Variants in ANKRD6 observed in about 807,000 individuals in gnomAD.
ANKRD6 encodes the protein ankyrin repeat domain 6, also known as ankyrin repeat domain-containing protein 6.
Under a neutral mutation model 82.3 loss-of-function variants are expected in ANKRD6, and 56 were observed. The ratio of observed to expected loss-of-function variants is 0.68; its 90% CI spans 0.55 to 0.85. The LOEUF is 0.85. ANKRD6 is among the 40% of genes least tolerant of loss of function. The pLI is 0.00. For missense variants in ANKRD6, 852 were observed against 907.6 expected (o/e 0.94, Z 0.79); for synonymous variants, 347 against 352.1 (o/e 0.99, Z 0.16).
chr6:89,623,556 C>G lies in ANKRD6; in HGVS notation c.1032+12C>G. 1 of 1,574,596 alleles carries G rather than the reference C, an allele frequency of 6.4e-7. No individual in the cohort carries two copies. The highest frequency in any genetic ancestry group is 8.6e-7 in the Non-Finnish European group (1 of 1,160,064). On this transcript the variant is annotated intron_variant, in intron 11 of 15. Coordinates refer to ENST00000339746, the MANE Select transcript of ANKRD6 (RefSeq NM_001242809.2). ...AGTCAAGGCCCAAGGTCAGGAGACA[C>G]AGAAAGCAGCCCAGAGGGGTGGCTG...
chr6:89,555,804 G>A lies in ANKRD6; in HGVS notation c.-143-11030G>A, dbSNP rs189797796. Among the ~76,000 whole-genome samples, 308 of 152,146 alleles carry A rather than the reference G, an allele frequency of 2.0e-3. 4 individuals carry two copies. The highest frequency in any genetic ancestry group is 6.8e-3 in the African/African-American group (283 of 41,500). The stretch of plus-strand genomic sequence containing the variant: ...TTTGTATATCTCTGGACTTTGTTCT[G>A]GGGGAAATATGTGTCACTGAGGTTC... On this transcript the variant is annotated intron_variant, in intron 1 of 15. Transcript: ENST00000339746.
intron 1 of ANKRD6, among the ~76,000 whole-genome samples, chr6:89,502,388 G>A (rs1362191335): frequency 6.6e-6 from 1 of 152,174 alleles, no homozygotes; most frequent in Non-Finnish European, 1.5e-5. Context: ...TCTCATGCTT[G>A]TAATCCTAGC....
At chr6:89,618,097 T>C in intron 9 of ANKRD6, 66 bp downstream of exon 9, 1 of 1,549,708 alleles carries the variant, frequency 6.5e-7, no homozygotes, top group Non-Finnish European at 8.9e-7. Context: ...GGACTCCTGG[T>C]TGCAATCTAC....
chr6:89,446,525 C>G (rs759818616), intron 1 of ANKRD6, among the ~76,000 whole-genome samples: 43 of 152,250 alleles, frequency 2.8e-4, no homozygotes, highest in Non-Finnish European at 4.9e-4. Context: ...AAAGCTAGGA[C>G]TCTTGTGCCA....
intron 1 of ANKRD6, among the ~76,000 whole-genome samples, chr6:89,480,182 C>A (rs1334971327): frequency 6.6e-6 from 1 of 152,216 alleles, no homozygotes; most frequent in Non-Finnish European, 1.5e-5. Flanking sequence ...TGTTGTCTGT[C>A]TGAAAGGTAA....
chr6:89,616,947 G>A (rs1299110233), intron 8 of ANKRD6: 1 of 559,776 alleles, frequency 1.8e-6, no homozygotes, highest in East Asian at 4.3e-5. Context: ...ACGAGTGGAT[G>A]TTACCCAAAG....
At chr6:89,569,036 C>A (rs1189885242) in intron 2 of ANKRD6, among the ~76,000 whole-genome samples, 1 of 151,852 alleles carries the variant, frequency 6.6e-6, no homozygotes, top group Non-Finnish European at 1.5e-5. Context: ...GCCTCAGCCT[C>A]CCATGTAGCT....
At chr6:89,523,508 CT>C (rs1241801409) in intron 1 of ANKRD6, among the ~76,000 whole-genome samples, 2 of 152,150 alleles carry the variant, frequency 1.3e-5, no homozygotes, top group Non-Finnish European at 2.9e-5. Flanking sequence ...GAGGGCAGTT[CT>C]TTATGTGTTT....
intron 1 of ANKRD6, among the ~76,000 whole-genome samples, chr6:89,440,993 T>C (rs1771304017): frequency 6.6e-6 from 1 of 152,138 alleles, no homozygotes; most frequent in Non-Finnish European, 1.5e-5. Context: ...CTATCTGTTT[T>C]TTTACAGAAA....
At chr6:89,436,890 T>C (rs1770701612) in intron 1 of ANKRD6, among the ~76,000 whole-genome samples, 1 of 152,184 alleles carries the variant, frequency 6.6e-6, no homozygotes, top group Non-Finnish European at 1.5e-5. Context: ...GGGGAAGAGA[T>C]GGAAGAAATA....
At chr6:89,617,813 A>G (rs1413423400) in intron 8 of ANKRD6, 141 bp from the exon 9 acceptor site, 2 of 727,770 alleles carry the variant, frequency 2.7e-6, no homozygotes, top group East Asian at 5.1e-5. Context: ...CATATCACAT[A>G]GGTGGCCATG....
intron 5 of ANKRD6, among the ~76,000 whole-genome samples, chr6:89,607,595 G>T (rs1158867727): frequency 1.3e-5 from 2 of 149,658 alleles, no homozygotes; most frequent in African/African-American, 4.9e-5. Context: ...TTTTATTTTT[G>T]TACCTTTCCC....
At chr6:89,484,360 C>G (rs1378241370) in intron 1 of ANKRD6, among the ~76,000 whole-genome samples, 2 of 151,772 alleles carry the variant, frequency 1.3e-5, no homozygotes, top group African/African-American at 4.8e-5. Flanking sequence ...TTTATAAGTC[C>G]TTTACTAACT....
At chr6:89,446,200 A>G (rs1353856909) in intron 1 of ANKRD6, among the ~76,000 whole-genome samples, 1 of 151,908 alleles carries the variant, frequency 6.6e-6, no homozygotes, top group African/African-American at 2.4e-5. Context: ...TAAAAATACA[A>G]AATTAACTGG....
chr6:89,440,871 T>A lies in ANKRD6; in HGVS notation c.-144+7496T>A, dbSNP rs552232059. Among the ~76,000 whole-genome samples the A allele has an allele frequency of 2.6e-5, 4 of 152,208 alleles. No homozygotes were observed. In the South Asian group the frequency reaches 8.3e-4, roughly 32 times the overall value. On this transcript the variant is annotated intron_variant, in intron 1 of 15. Transcript: ENST00000339746. Reference sequence around the variant, plus strand: ...ATTATAGCCATGGCCCAAATCCAGCTTGATGCCTGTTTCATTCCTTTGCAT... The same window carrying A: ...ATTATAGCCATGGCCCAAATCCAGCATGATGCCTGTTTCATTCCTTTGCAT...
intron 1 of ANKRD6, among the ~76,000 whole-genome samples, chr6:89,542,759 GA>G (rs1357508637): frequency 6.6e-6 from 1 of 152,190 alleles, no homozygotes; most frequent in Non-Finnish European, 1.5e-5. Flanking sequence ...TCTGACACCT[GA>G]AATTATTTAA....
intron 1 of ANKRD6, among the ~76,000 whole-genome samples, chr6:89,564,172 G>A (rs1265787280): frequency 6.6e-6 from 1 of 152,162 alleles, no homozygotes; most frequent in East Asian, 1.9e-4. Flanking sequence ...TCCTGATCTT[G>A]CAGGCAGTTT....
chr6:89,607,123 T>C (rs1266675631), intron 5 of ANKRD6, among the ~76,000 whole-genome samples: 1 of 150,974 alleles, frequency 6.6e-6, no homozygotes, highest in Non-Finnish European at 1.5e-5. Context: ...TGAGCTTAGT[T>C]CGTGCCACTG....
At chr6:89,621,864 C>T in intron 9 of ANKRD6, 58 bp from the exon 10 acceptor site, 1 of 1,537,808 alleles carries the variant, frequency 6.5e-7, no homozygotes, top group South Asian at 1.1e-5. Flanking sequence ...AAGGAGAATT[C>T]TCTCACACAG....
Sources: gnomAD v4.1 joint callset for allele counts (sites outside exome capture counted in the v4.1 genomes callset) on GRCh38, gnomAD v4.1.1 for gene constraint, MANE v1.5 for transcripts, NCBI Gene and HGNC (gene_info 2026-07-23, HGNC 2026-07-21) for gene names.